SAMTOR: variants seen among roughly 807,000 people sequenced by gnomAD.
The protein encoded by SAMTOR is UPF0532 protein C7orf60.
the SAMTOR span, among the ~76,000 whole-genome samples, chr7:112,888,549 G>C: frequency 6.6e-6 from 1 of 152,030 alleles, no homozygotes; most frequent in South Asian, 2.1e-4. Flanking sequence ...TATTCAAAAA[G>C]TGCCATATCT....
At chr7:112,862,786 G>C in the SAMTOR span, among the ~76,000 whole-genome samples, 1 of 152,072 alleles carries the variant, frequency 6.6e-6, no homozygotes, top group East Asian at 1.9e-4. Flanking sequence ...AAAATTAGCA[G>C]GGTGTGGTGG....
At chr7:112,923,769 A>G in the SAMTOR span, among the ~76,000 whole-genome samples, 2 of 152,086 alleles carry the variant, frequency 1.3e-5, no homozygotes, top group African/African-American at 4.8e-5. Context: ...CACTATTCAC[A>G]ATAGCAAAGA....
the SAMTOR span, among the ~76,000 whole-genome samples, chr7:112,894,988 A>T: frequency 6.6e-6 from 1 of 152,212 alleles, no homozygotes; most frequent in Non-Finnish European, 1.5e-5. Flanking sequence ...TCATGTACTT[A>T]TAAAATTTAT....
At chr7:112,880,120 T>C in the SAMTOR span, among the ~76,000 whole-genome samples, 1 of 152,122 alleles carries the variant, frequency 6.6e-6, no homozygotes, top group African/African-American at 2.4e-5. Context: ...CAGTAGAAAA[T>C]ATTCCGCAAT....
the SAMTOR span, among the ~76,000 whole-genome samples, chr7:112,928,556 C>T: frequency 2.0e-5 from 3 of 151,866 alleles, no homozygotes; most frequent in Non-Finnish European, 4.4e-5. Context: ...TTAGGGTGCT[C>T]AGTCAGTGGA....
the SAMTOR span, among the ~76,000 whole-genome samples, chr7:112,902,704 G>A: frequency 6.6e-6 from 1 of 152,098 alleles, no homozygotes; most frequent in Non-Finnish European, 1.5e-5. Context: ...GATGTTGACA[G>A]TGGGGGAGGC....
the SAMTOR span, among the ~76,000 whole-genome samples, chr7:112,890,978 A>T: frequency 6.6e-6 from 1 of 152,274 alleles, no homozygotes; most frequent in South Asian, 2.1e-4. Context: ...GCATGAGCCA[A>T]TGTGCCCAGC....
the SAMTOR span, among the ~76,000 whole-genome samples, chr7:112,916,787 T>A: frequency 6.6e-6 from 1 of 152,116 alleles, no homozygotes; most frequent in African/African-American, 2.4e-5. Flanking sequence ...CAACAGGAGA[T>A]TATATCCCAC....
At chr7:112,866,046 TACTA>T in the SAMTOR span, among the ~76,000 whole-genome samples, 13 of 152,084 alleles carry the variant, frequency 8.5e-5, no homozygotes, top group South Asian at 8.3e-4. Context: ...TTCAACTATA[TACTA>T]ACTATTTACA....
chr7:112,932,571 T>C, the SAMTOR span, among the ~76,000 whole-genome samples: 19 of 152,328 alleles, frequency 1.2e-4, no homozygotes, highest in African/African-American at 4.6e-4. Flanking sequence ...CCTGGTGCTA[T>C]GTACTAAGGC....
At chr7:112,829,689 GAA>G in the SAMTOR span, among the ~76,000 whole-genome samples, 2 of 152,328 alleles carry the variant, frequency 1.3e-5, no homozygotes, top group Non-Finnish European at 2.9e-5. Flanking sequence ...GAGACAATCT[GAA>G]GTTTTTGGGT....
chr7:112,895,640 A>G, the SAMTOR span: 1 of 1,598,158 alleles, frequency 6.3e-7, no homozygotes, highest in South Asian at 1.1e-5. Flanking sequence ...ACTCATGCAT[A>G]TTTAAGGCTG....
the SAMTOR span, among the ~76,000 whole-genome samples, chr7:112,927,804 G>T: frequency 6.6e-6 from 1 of 151,918 alleles, no homozygotes; most frequent in Non-Finnish European, 1.5e-5. Flanking sequence ...CTTCTATTTA[G>T]TTATCCCATA....
chr7:112,825,349 A>G, the SAMTOR span, among the ~76,000 whole-genome samples: 40 of 152,100 alleles, frequency 2.6e-4, no homozygotes, highest in African/African-American at 9.4e-4. Context: ...ACTTTCTCCT[A>G]ATTTGTGGTT....
the SAMTOR span, among the ~76,000 whole-genome samples, chr7:112,841,058 A>G: frequency 6.6e-6 from 1 of 152,132 alleles, no homozygotes; most frequent in African/African-American, 2.4e-5. Flanking sequence ...CTCCTATTCA[A>G]CAAAGTACTG....
the SAMTOR span, among the ~76,000 whole-genome samples, chr7:112,861,318 T>G: frequency 6.6e-6 from 1 of 152,208 alleles, no homozygotes; most frequent in Non-Finnish European, 1.5e-5. Context: ...AAATTTCTTA[T>G]GATTTAATAC....
the SAMTOR span, among the ~76,000 whole-genome samples, chr7:112,897,320 C>T: frequency 4.6e-4 from 70 of 152,124 alleles, no homozygotes; most frequent in African/African-American, 1.6e-3. Flanking sequence ...AATTATACCT[C>T]AGTAAAGCTG....
At chr7:112,836,343 T>C in the SAMTOR span, among the ~76,000 whole-genome samples, 1 of 152,130 alleles carries the variant, frequency 6.6e-6, no homozygotes, top group Non-Finnish European at 1.5e-5. Flanking sequence ...GTTTTCTACC[T>C]GCAAATTTGT....
At chr7:112,823,323 A>C in the SAMTOR span, among the ~76,000 whole-genome samples, 1 of 152,184 alleles carries the variant, frequency 6.6e-6, no homozygotes, top group African/African-American at 2.4e-5. Flanking sequence ...ACACTCATGA[A>C]ACCACTGGCA....
Sources: allele counts gnomAD v4.1 joint callset (sites outside exome capture counted in the v4.1 genomes callset), GRCh38; gene constraint gnomAD v4.1.1; transcripts MANE v1.5; gene names NCBI Gene and HGNC (gene_info 2026-07-23, HGNC 2026-07-21).